The following AAMDC variants were observed in gnomAD, a reference collection of about 807,000 sequenced individuals.
AAMDC encodes the protein mth938 domain-containing protein.
In AAMDC, 16 loss-of-function variants were observed where a neutral mutation model predicts 15.5. The ratio of observed to expected loss-of-function variants is 1.03; its 90% CI spans 0.70 to 1.57. AAMDC has a LOEUF of 1.57. AAMDC is among the 40% of genes most tolerant of loss of function. AAMDC has a pLI of 0.00. For synonymous variants in AAMDC, 51 were observed against 51.6 expected (o/e 0.99, Z 0.05); for missense variants, 141 against 144.9 (o/e 0.97, Z 0.14).
At chr11:77,860,422 G>A (rs1950827399) in intron 2 of AAMDC, among the ~76,000 whole-genome samples, 2 of 152,358 alleles carry the variant, frequency 1.3e-5, no homozygotes, top group South Asian at 4.1e-4. Flanking sequence ...GAGGGCCCTG[G>A]TGCCTTAGGA....
At chr11:77,889,549 TAATAA>T (rs1036330108) in intron 5 of AAMDC, among the ~76,000 whole-genome samples, 2 of 152,054 alleles carry the variant, frequency 1.3e-5, no homozygotes, top group African/African-American at 4.8e-5. Context: ...AGTATAATAA[TAATAA>T]AATAAAATAA....
intron 2 of AAMDC, among the ~76,000 whole-genome samples, chr11:77,864,201 AC>A (rs1347750429): frequency 1.3e-5 from 2 of 151,828 alleles, no homozygotes; most frequent in Non-Finnish European, 2.9e-5. Flanking sequence ...TGTTGGGATT[AC>A]AGGCATGAGC....
intron 1 of AAMDC, among the ~76,000 whole-genome samples, chr11:77,831,216 A>T (rs1949411075): frequency 6.6e-6 from 1 of 152,150 alleles, no homozygotes; most frequent in Non-Finnish European, 1.5e-5. Flanking sequence ...GTTGACAAGG[A>T]TATGGAGAAA....
At chr11:77,878,926 C>T (rs765218251) in intron 5 of AAMDC, 7 of 1,600,996 alleles carry the variant, frequency 4.4e-6, no homozygotes, top group South Asian at 1.1e-5. Context: ...CTCTAGGCCA[C>T]GGTTGGGAAG....
downstream of AAMDC, among the ~76,000 whole-genome samples, chr11:77,904,756 A>C (rs929270277): frequency 6.6e-6 from 1 of 152,232 alleles, no homozygotes; most frequent in African/African-American, 2.4e-5. Flanking sequence ...CAAAACATAC[A>C]ATCCCAAATG....
chr11:77,896,727 G>A (rs1159735442), intron 5 of AAMDC, among the ~76,000 whole-genome samples: 1 of 150,484 alleles, frequency 6.6e-6, no homozygotes, highest in African/African-American at 2.4e-5. Context: ...AAAAGAAAAG[G>A]TATAGGAAAA....
chr11:77,872,248 T>A lies in AAMDC; in HGVS notation c.302T>A (p.Val101Glu). 1 of 1,613,650 alleles carries A rather than the reference T, an allele frequency of 6.2e-7. No homozygotes were observed. ...DVRVLQTEQA[V>E]KEYNALVAQG... ...CGGGTCCTCCAGACAGAGCAGGCAG[T>A]GAAGGAGTATAATGCCTTGGTTGCC... Residue 101 changes from valine (V) to glutamate (E), a missense_variant, in exon 4 of 4, where the codon GTG becomes GAG. Val to Glu is a moderately radical substitution (Grantham distance 121). Coordinates refer to ENST00000393427, the MANE Select transcript of AAMDC (RefSeq NM_024684.4).
downstream of AAMDC, among the ~76,000 whole-genome samples, chr11:77,873,973 T>C (rs757308632): frequency 4.4e-4 from 67 of 152,344 alleles, no homozygotes; most frequent in Non-Finnish European, 8.2e-4. Flanking sequence ...CGTAGTTAGT[T>C]AGGCTTCTGA....
At chr11:77,853,708 A>G (rs531708273) in intron 2 of AAMDC, among the ~76,000 whole-genome samples, 2 of 152,130 alleles carry the variant, frequency 1.3e-5, no homozygotes, top group African/African-American at 2.4e-5. Context: ...TGGGAGGCCA[A>G]AGTGGATGGA....
chr11:77,842,602 T>A lies in AAMDC; in HGVS notation c.106T>A (p.Trp36Arg). Residue 36 changes from tryptophan (W) to arginine (R), a missense_variant, in exon 2 of 4, where the codon TGG becomes AGG. Trp to Arg is a moderately radical substitution (Grantham distance 101). Coordinates refer to ENST00000393427, the MANE Select transcript of AAMDC (RefSeq NM_024684.4). ...AGTATGGCCAGGGGGTAGTCGGACTTGGGATTGGAGAGAAACAGGAACTGA... is the reference window on the plus strand; with the variant it reads ...AGTATGGCCAGGGGGTAGTCGGACTAGGGATTGGAGAGAAACAGGAACTGA... ...CKVWPGGSRT[W>R]DWRETGTEHS... 1 of 1,613,968 alleles carries A rather than the reference T, an allele frequency of 6.2e-7. No homozygotes were observed. Among genetic ancestry groups the A allele is most frequent in the African/African-American group, 1.3e-5 (1 of 75,052 alleles).
At chr11:77,839,941 C>T (rs1050899674) in intron 1 of AAMDC, among the ~76,000 whole-genome samples, 6 of 152,000 alleles carry the variant, frequency 3.9e-5, no homozygotes, top group South Asian at 2.1e-4. Context: ...ATGTAATGAA[C>T]GTGCATGTCT....
In AAMDC at chr11:77,886,552, G is replaced by A. The variant is rs1410501340; in HGVS notation, c.328+9503G>A. On this transcript the variant is annotated intron_variant, in intron 5 of 5. Coordinates refer to the AAMDC transcript ENST00000304716. The stretch of plus-strand genomic sequence containing the variant: ...GAGTAACTATGACTCTCTTAAGGTA[G>A]CCAAATGCCTTGTCATCTAATTAGT... Among the ~76,000 whole-genome samples the A allele has an allele frequency of 2.0e-5, 3 of 152,180 alleles. No homozygotes were observed. The East Asian group carries it at 5.8e-4, about 29-fold the overall frequency.
chr11:77,853,876 G>T (rs992678316), intron 2 of AAMDC, among the ~76,000 whole-genome samples: 7 of 152,032 alleles, frequency 4.6e-5, no homozygotes, highest in Non-Finnish European at 1.0e-4. Flanking sequence ...AGGAGGTGGA[G>T]GTGGCAGTGA....
chr11:77,905,030 T>C (rs867463521), downstream of AAMDC, among the ~76,000 whole-genome samples: 3 of 152,188 alleles, frequency 2.0e-5, no homozygotes, highest in Admixed American at 6.5e-5. Context: ...GTTTTACACA[T>C]TGAGGGTGTG....
At chr11:77,896,652 CAAA>C (rs58549095) in intron 5 of AAMDC, among the ~76,000 whole-genome samples, 32 of 70,708 alleles carry the variant, frequency 4.5e-4, no homozygotes, top group African/African-American at 5.4e-4. Flanking sequence ...AACTCCGTCT[CAAA>C]AAAAAAAAAA....
At chr11:77,869,681 T>C (rs1951320051) in intron 2 of AAMDC, 41 bp from the exon 3 acceptor site, 10 of 1,567,446 alleles carry the variant, frequency 6.4e-6, no homozygotes, top group East Asian at 2.2e-5. Context: ...CAATGAAAGA[T>C]TGAGAGCAGG....
chr11:77,888,205 G>A (rs575349782), intron 5 of AAMDC, among the ~76,000 whole-genome samples: 2 of 152,178 alleles, frequency 1.3e-5, no homozygotes, highest in Non-Finnish European at 2.9e-5. Flanking sequence ...AGAACAGCAT[G>A]GTACTGTTAC....
At chr11:77,891,953 A>T in intron 5 of AAMDC, 1 of 1,547,834 alleles carries the variant, frequency 6.5e-7, no homozygotes, top group Non-Finnish European at 8.7e-7. Context: ...AAGTGAGAGG[A>T]GCTTGCAGTT....
intron 2 of AAMDC, among the ~76,000 whole-genome samples, chr11:77,849,720 C>G (rs893730787): frequency 6.6e-6 from 1 of 152,136 alleles, no homozygotes; most frequent in South Asian, 2.1e-4. Flanking sequence ...GAAGACCTAG[C>G]TATTCCATAT....
Sources: gnomAD v4.1 joint callset for allele counts (sites outside exome capture counted in the v4.1 genomes callset) on GRCh38, gnomAD v4.1.1 for gene constraint, MANE v1.5 for transcripts, NCBI Gene and HGNC (gene_info 2026-07-23, HGNC 2026-07-21) for gene names.